The following PRPF18 variants were observed in gnomAD, a reference collection of about 807,000 sequenced individuals.
The protein encoded by PRPF18 is pre-mRNA-splicing factor 18.
In PRPF18, 38 loss-of-function variants were observed where a neutral mutation model predicts 46.5. That is an observed-to-expected ratio of 0.82 (90% CI 0.63 to 1.07). The LOEUF is 1.07. Among genes scored for constraint, PRPF18 ranks in the 50% least tolerant of loss-of-function variants. The pLI is 0.00. For synonymous variants in PRPF18, 152 were observed against 146.7 expected (o/e 1.04, Z -0.26); for missense variants, 263 against 410.0 (o/e 0.64, Z 3.10).
intron 1 of PRPF18, chr10:13,591,424 A>G (rs1316402615): frequency 2.1e-6 from 1 of 484,824 alleles, no homozygotes; most frequent in Non-Finnish European, 3.7e-6. Flanking sequence ...CTTTTTTGTT[A>G]TCAGTTATTT....
chr10:13,635,319 A>T (rs2080627528), downstream of PRPF18, among the ~76,000 whole-genome samples: 1 of 152,136 alleles, frequency 6.6e-6, no homozygotes, highest in Non-Finnish European at 1.5e-5. Context: ...GGTTGATTCC[A>T]TGTCTTTGCT....
chr10:13,615,967 G>A (rs2080334107), intron 8 of PRPF18, among the ~76,000 whole-genome samples: 1 of 152,130 alleles, frequency 6.6e-6, no homozygotes, highest in South Asian at 2.1e-4. Context: ...AGTGGATATT[G>A]TTTAGGGTTG....
chr10:13,603,710 G>A (rs1225486373), intron 3 of PRPF18, among the ~76,000 whole-genome samples: 1 of 152,182 alleles, frequency 6.6e-6, no homozygotes, highest in Non-Finnish European at 1.5e-5. Context: ...AAAGCGTCTA[G>A]ATCAAAGGCT....
chr10:13,595,288 G>T (rs2080017435), intron 1 of PRPF18, among the ~76,000 whole-genome samples: 1 of 152,174 alleles, frequency 6.6e-6, no homozygotes, highest in Non-Finnish European at 1.5e-5. Flanking sequence ...GATGTTCTAG[G>T]CTTGAGATTT....
At chr10:13,592,616 C>T (rs79230496) in intron 1 of PRPF18, among the ~76,000 whole-genome samples, 1,938 of 152,312 alleles carry the variant, frequency 0.013, 44 homozygotes, top group African/African-American at 0.044. Flanking sequence ...CTAAAGTGCC[C>T]TGCCTGGTGT....
At chr10:13,643,352 T>C in the PRPF18 span, 1 of 152,198 alleles carries the variant, frequency 6.6e-6, no homozygotes, top group Non-Finnish European at 1.5e-5. Flanking sequence ...CTGGCACATA[T>C]TACACACAGG....
At chr10:13,614,220 A>G (rs2080308632) in intron 8 of PRPF18, 134 bp downstream of exon 8, 1 of 701,728 alleles carries the variant, frequency 1.4e-6, no homozygotes, top group African/African-American at 1.8e-5. Context: ...AGTAGTAAAA[A>G]GCGTTTTATT....
intron 9 of PRPF18, among the ~76,000 whole-genome samples, chr10:13,619,295 G>T (rs1258365468): frequency 1.3e-5 from 2 of 152,242 alleles, no homozygotes; most frequent in African/African-American, 4.8e-5. Flanking sequence ...TATACAATTG[G>T]ACAGATTTTT....
At chr10:13,630,148 G>A (rs887898950) in intron 9 of PRPF18, 112 bp from the exon 10 acceptor site, 8 of 845,452 alleles carry the variant, frequency 9.5e-6, no homozygotes, top group Admixed American at 1.9e-5. Context: ...AATTTGCTTG[G>A]GTCTGCTGCA....
chr10:13,654,832 G>T, the PRPF18 span: 5 of 398,030 alleles, frequency 1.3e-5, no homozygotes, highest in Admixed American at 4.1e-5. Context: ...GGATGGTGAC[G>T]GTTTCTACAG....
intron 9 of PRPF18, among the ~76,000 whole-genome samples, chr10:13,624,829 C>G (rs1169196367): frequency 6.6e-6 from 1 of 152,222 alleles, no homozygotes; most frequent in Non-Finnish European, 1.5e-5. Context: ...TCTGAAAATG[C>G]TGTCCTATGG....
chr10:13,588,215 T>G (rs542548360), intron 1 of PRPF18, among the ~76,000 whole-genome samples: 1 of 152,222 alleles, frequency 6.6e-6, no homozygotes, highest in Admixed American at 6.5e-5. Flanking sequence ...GAGACCAGCC[T>G]GGCAAACATG....
intron 2 of PRPF18, among the ~76,000 whole-genome samples, chr10:13,599,245 A>T (rs563936355): frequency 1.3e-5 from 2 of 152,188 alleles, no homozygotes; most frequent in African/African-American, 4.8e-5. Context: ...GACCTGTGAA[A>T]ATAGAAAGGC....
intron 8 of PRPF18, among the ~76,000 whole-genome samples, chr10:13,614,522 A>G (rs2080313425): frequency 6.6e-6 from 1 of 152,232 alleles, no homozygotes; most frequent in East Asian, 1.9e-4. Flanking sequence ...CACTGATGGT[A>G]CAGTGGAATT....
chr10:13,651,937 C>A, the PRPF18 span: 1 of 1,600,888 alleles, frequency 6.2e-7, no homozygotes, highest in Non-Finnish European at 8.6e-7. Context: ...GGTGGAGACT[C>A]AGACCCATCC....
intron 9 of PRPF18, among the ~76,000 whole-genome samples, chr10:13,627,477 A>G (rs532160895): frequency 6.6e-6 from 1 of 152,352 alleles, no homozygotes; most frequent in South Asian, 2.1e-4. Flanking sequence ...TAAGCAGCTC[A>G]TTGTTTTACT....
intron 9 of PRPF18, among the ~76,000 whole-genome samples, chr10:13,626,820 T>C (rs1268605385): frequency 2.0e-5 from 3 of 149,288 alleles, no homozygotes; most frequent in Non-Finnish European, 3.0e-5. Context: ...TTTTTTCCCC[T>C]CAAACAGTGT....
the PRPF18 span, chr10:13,648,518 C>T: frequency 0.095 from 14,421 of 152,224 alleles, 947 homozygotes; most frequent in Non-Finnish European, 0.14. Context: ...AGGAACCCAA[C>T]GGGGCCGGGC....
At chr10:13,606,849 G>A (rs1230917048) in intron 4 of PRPF18, among the ~76,000 whole-genome samples, 4 of 151,810 alleles carry the variant, frequency 2.6e-5, no homozygotes, top group Non-Finnish European at 5.9e-5. Flanking sequence ...CTCTTGGGGA[G>A]ATACCTAGAA....
Sources: allele counts gnomAD v4.1 joint callset (sites outside exome capture counted in the v4.1 genomes callset), GRCh38; gene constraint gnomAD v4.1.1; transcripts MANE v1.5; gene names NCBI Gene and HGNC (gene_info 2026-07-23, HGNC 2026-07-21).